The following HDAC9 variants were observed in gnomAD, a reference collection of about 807,000 sequenced individuals.
The protein encoded by HDAC9 is MEF-2 interacting transcription repressor (MITR) protein.
Under a neutral mutation model 139.4 loss-of-function variants are expected in HDAC9, and 41 were observed. The observed-to-expected ratio is 0.29, with a 90% CI of 0.23 to 0.38. The LOEUF (loss-of-function observed/expected upper bound fraction) is 0.38. Ranked by LOEUF, HDAC9 falls within the 10% of genes least tolerant of loss-of-function variation. The pLI is 1.00. For missense variants in HDAC9, 1,147 were observed against 1,297.0 expected, an observed-to-expected ratio of 0.88 and a Z score of 1.78; for synonymous variants, 517 against 476.2, an observed-to-expected ratio of 1.09 and a Z score of -1.12.
intron 12 of HDAC9, among the ~76,000 whole-genome samples, chr7:18,715,264 A>ATTTTTTTT: frequency 6.6e-6 from 1 of 151,500 alleles, no homozygotes. Flanking sequence ...TAAAGCGGAT[A>ATTTTTTTT]CTTCTGTTTA....
chr7:18,760,055 A>G (rs1456529815), intron 14 of HDAC9, among the ~76,000 whole-genome samples: 1 of 152,202 alleles, frequency 6.6e-6, no homozygotes, highest in Non-Finnish European at 1.5e-5. Context: ...CAGAGCTGAC[A>G]TTGTTGAAAA....
At chr7:18,343,496 A>G (rs1782170645) in intron 1 of HDAC9, among the ~76,000 whole-genome samples, 4 of 152,002 alleles carry the variant, frequency 2.6e-5, no homozygotes, top group African/African-American at 7.2e-5. Flanking sequence ...TGCCTAGTGT[A>G]TGGTGTGTTC....
intron 24 of HDAC9, among the ~76,000 whole-genome samples, chr7:18,959,579 G>A (rs372836786): frequency 3.3e-5 from 5 of 152,066 alleles, no homozygotes; most frequent in African/African-American, 7.2e-5. Context: ...AAAATGATAC[G>A]AATTCCATCG....
chr7:18,303,090 T>G (rs530087735), intron 1 of HDAC9, among the ~76,000 whole-genome samples: 1 of 152,300 alleles, frequency 6.6e-6, no homozygotes, highest in African/African-American at 2.4e-5. Flanking sequence ...TAGTTTTTCA[T>G]AGAAAGGGTA....
intron 21 of HDAC9, among the ~76,000 whole-genome samples, chr7:18,857,565 G>A (rs1797783916): frequency 6.6e-6 from 1 of 150,892 alleles, no homozygotes; most frequent in Non-Finnish European, 1.5e-5. Flanking sequence ...TTATTGTTTT[G>A]AACTGGGAGA....
chr7:18,171,679 C>G (rs888171484), intron 2 of HDAC9, among the ~76,000 whole-genome samples: 1 of 152,086 alleles, frequency 6.6e-6, no homozygotes, highest in African/African-American at 2.4e-5. Context: ...TTGTCTAAGG[C>G]CTTTTCTGCA....
At chr7:18,702,059 C>T (rs1403016068) in intron 12 of HDAC9, among the ~76,000 whole-genome samples, 1 of 152,142 alleles carries the variant, frequency 6.6e-6, no homozygotes, top group Non-Finnish European at 1.5e-5. Flanking sequence ...ACACTTTCTG[C>T]TAAGTTGCAA....
chr7:18,390,897 T>A (rs896805617), intron 1 of HDAC9, among the ~76,000 whole-genome samples: 6 of 152,226 alleles, frequency 3.9e-5, no homozygotes, highest in African/African-American at 1.4e-4. Context: ...AAGACCATCC[T>A]GGCTAACATG....
At chr7:18,348,237 CA>C (rs1782575973) in intron 1 of HDAC9, among the ~76,000 whole-genome samples, 1 of 152,068 alleles carries the variant, frequency 6.6e-6, no homozygotes, top group Non-Finnish European at 1.5e-5. Flanking sequence ...ATTATAGAGG[CA>C]ATGTCAGCGA....
At chr7:18,425,414 A>G (rs894541024) in intron 1 of HDAC9, among the ~76,000 whole-genome samples, 1 of 152,228 alleles carries the variant, frequency 6.6e-6, no homozygotes, top group African/African-American at 2.4e-5. Flanking sequence ...TGAAGGTGGC[A>G]TGACACATTT....
chr7:18,773,761 C>G (rs939152106), intron 16 of HDAC9, among the ~76,000 whole-genome samples: 1 of 151,978 alleles, frequency 6.6e-6, no homozygotes, highest in Admixed American at 6.6e-5. Flanking sequence ...CAGCTATATT[C>G]AGGCACACCT....
Position 18,468,714 on chromosome 7 carries a change from A to G in HDAC9, c.-41-27548A>G, listed in dbSNP as rs548435294. 3.3e-5 allele frequency among the ~76,000 whole-genome samples: 5 copies of G among 152,318 alleles called. 1 individual carries two copies. The highest frequency in any genetic ancestry group is 1.2e-4 in the African/African-American group (5 of 41,580). On this transcript the variant is annotated intron_variant, in intron 1 of 3. Coordinates refer to the HDAC9 transcript ENST00000413509. Reference sequence around the variant, plus strand: ...GAAGCCTGGCACCTGGTAAAAATCAATTTGTATTTTGTGCAAAAATAAATT... The same window carrying G: ...GAAGCCTGGCACCTGGTAAAAATCAGTTTGTATTTTGTGCAAAAATAAATT...
At chr7:18,657,068 G>A (rs905061284) in intron 11 of HDAC9, among the ~76,000 whole-genome samples, 2 of 152,008 alleles carry the variant, frequency 1.3e-5, no homozygotes, top group African/African-American at 2.4e-5. Context: ...TATGGTGTTG[G>A]CCATTTGTAT....
rs115484767 is a variant in HDAC9, at chr7:18,513,659, G to A, written c.22+17335G>A. 6.3e-3 allele frequency among the ~76,000 whole-genome samples: 954 copies of A among 152,264 alleles called. 10 individuals are homozygous for A. The highest frequency in any genetic ancestry group is 0.022 in the African/African-American group (924 of 41,554). On this transcript the variant is annotated intron_variant, in intron 2 of 25. Coordinates refer to ENST00000686413, the MANE Select transcript of HDAC9 (RefSeq NM_178425.4). The stretch of plus-strand genomic sequence containing the variant: ...ACACAATAGAGAGGATTTTCAGGAG[G>A]TTTAGCCAAATCTGCCACTGTCTGT...
At chr7:18,114,966 G>A (rs534778658) in intron 1 of HDAC9, among the ~76,000 whole-genome samples, 66 of 152,184 alleles carry the variant, frequency 4.3e-4, no homozygotes, top group Non-Finnish European at 7.6e-4. Flanking sequence ...GGAGCATAGA[G>A]TATAGATTAG....
chr7:18,157,849 G>GAGAGAGAC lies in HDAC9; in HGVS notation c.-96-4377_-96-4376insGAGACAGA, dbSNP rs1329240003. On this transcript the variant is annotated intron_variant, in intron 1 of 12. Transcript: ENST00000417496. ...AGAGAGAGAGAGAGAGAGAGAGAGAGAGACTGAGGATCTGATGAATCTCTT... is the reference window on the plus strand; with the variant it reads ...AGAGAGAGAGAGAGAGAGAGAGAGAGAGAGAGACAGACTGAGGATCTGATGAATCTCTT... Among the ~76,000 whole-genome samples the GAGAGAGAC allele has an allele frequency of 8.2e-4, 119 of 144,472 alleles. 1 individual carries two copies. The highest frequency in any genetic ancestry group is 1.4e-3 in the Admixed American group (21 of 14,612). 94.8% of individuals were successfully genotyped at this position (144,472 alleles called of 152,430 possible). A position where few individuals can be genotyped will look rare whatever the true frequency, so the allele number is the denominator to read the frequency against.
At chr7:18,524,982 A>C (rs1234941796) in intron 2 of HDAC9, among the ~76,000 whole-genome samples, 2 of 152,116 alleles carry the variant, frequency 1.3e-5, no homozygotes, top group Admixed American at 1.3e-4. Flanking sequence ...AATGATTTTA[A>C]TATACTACCC....
At chr7:18,706,160 CTTTTTTTTT>C (rs1165670432) in intron 12 of HDAC9, among the ~76,000 whole-genome samples, 5 of 86,750 alleles carry the variant, frequency 5.8e-5, no homozygotes, top group African/African-American at 2.1e-4. Flanking sequence ...GAAAGTTTTC[CTTTTTTTTT>C]TTTTTTTTTT....
At chr7:18,863,984 C>T (rs374364994) in intron 21 of HDAC9, among the ~76,000 whole-genome samples, 142 of 152,290 alleles carry the variant, frequency 9.3e-4, no homozygotes, top group Middle Eastern at 6.8e-3. Context: ...TTTGGATAAA[C>T]ATCCAGAAGT....
Sources: gnomAD v4.1 joint callset for allele counts (sites outside exome capture counted in the v4.1 genomes callset) on GRCh38, gnomAD v4.1.1 for gene constraint, MANE v1.5 for transcripts, NCBI Gene and HGNC (gene_info 2026-07-23, HGNC 2026-07-21) for gene names.